KRT4: variants seen among roughly 807,000 people sequenced by gnomAD.
The protein encoded by KRT4 is keratin 4.
Under a neutral mutation model 50.6 loss-of-function variants are expected in KRT4, and 47 were observed. That is an observed-to-expected ratio of 0.93 (90% CI 0.73 to 1.18). The LOEUF is 1.18. Ranked by LOEUF, KRT4 falls within the 50% of genes most tolerant of loss-of-function variation. The pLI is 0.00. For synonymous variants in KRT4, 254 were observed against 251.2 expected (o/e 1.01, Z -0.10); for missense variants, 651 against 645.7 (o/e 1.01, Z -0.09).
Position 52,807,896 on chromosome 12 carries a change from C to T in KRT4, c.1126-32G>A, listed in dbSNP as rs3816880. On this transcript the variant is annotated intron_variant, in intron 6 of 8. Coordinates refer to ENST00000551956, the MANE Select transcript of KRT4 (RefSeq NM_002272.4). ...ACAAAGGCATTAGATAGGTGGTCAG[C>T]AGTGCCCTGCCTTCAAGGCCTCTAC... 204,903 of 1,595,322 alleles carry T rather than the reference C, an allele frequency of 0.13. 13,895 individuals are homozygous for T. Among genetic ancestry groups the T allele is most frequent in the South Asian group, 0.16 (14,939 of 90,624 alleles).
At position 52,808,826 on chromosome 12, in the gene KRT4, C is replaced by T. The variant is rs769698433; in HGVS notation, c.859G>A (p.Val287Ile). Residue 287 changes from valine to isoleucine, a missense_variant, in exon 5 of 9, where the codon GTC becomes ATC. Val to Ile is a conservative substitution (Grantham distance 29). Transcript: ENST00000551956. The part of the protein sequence containing the change: ...DAELSQMQTH[V>I]SDTSVVLSMD... ...GAAAGGACCACGGACGTGTCGCTGA[C>T]ATGGGTCTGCATCTGGGACAGCTCC... 5 of 1,614,206 alleles carry T rather than the reference C, an allele frequency of 3.1e-6. No homozygotes were observed. The South Asian group carries it at 5.5e-5, about 18-fold the overall frequency.
intron 6 of KRT4, among the ~76,000 whole-genome samples, chr12:52,808,074 A>G (rs1400894985): frequency 2.0e-5 from 3 of 151,974 alleles, no homozygotes; most frequent in Non-Finnish European, 4.4e-5. Flanking sequence ...ATGAGCAAAA[A>G]CCCATGAAGA....
At position 52,811,825 on chromosome 12, in the gene KRT4, G is replaced by A; in HGVS notation, c.615C>T (p.Asp205=). 4 of 1,614,052 alleles carry A rather than the reference G, an allele frequency of 2.5e-6. No individual in the cohort carries two copies. The highest frequency in any genetic ancestry group is 3.4e-6 in the Non-Finnish European group (4 of 1,180,028). ...TCAGCTCAGACTGCAGGCGCCCTTT[G>A]TCATTGCCCAAGGTATCTAGCTGCT... The part of the protein sequence containing the change: ...LRKQLDTLGN[D]KGRLQSELKT... Residue 205 remains aspartate (D), a synonymous_variant, in exon 2 of 9, where the codon GAC becomes GAT. Transcript: ENST00000551956.
rs535413824 is a variant in KRT4 at position 52,806,911 on chromosome 12, A to G, written c.*158T>C. ...AGAGGCAGAGTCCCTGTCCCAGCAC[A>G]GAAGATCATCCTGGGGCAGAGAGAG... On this transcript the variant is annotated 3_prime_UTR_variant, in exon 9 of 9. Coordinates refer to ENST00000551956, the MANE Select transcript of KRT4 (RefSeq NM_002272.4). The G allele has an allele frequency of 3.7e-6, 3 of 805,396 alleles. No individual in the cohort carries two copies. The South Asian group carries it at 4.4e-5, about 12-fold the overall frequency. 49.9% of individuals were successfully genotyped at this position (805,396 alleles called of 1,614,324 possible). A position where few individuals can be genotyped will look rare whatever the true frequency, so the allele number is the denominator to read the frequency against.
chr12:52,807,305 G>T, intron 8 of KRT4, 54 bp downstream of exon 8: 3 of 1,613,980 alleles, frequency 1.9e-6, no homozygotes. Flanking sequence ...CACCCCAGGG[G>T]TCTGGCAAGA....
Position 52,807,054 on chromosome 12 carries a change from G to A in KRT4, c.*15C>T. 1.2e-6 allele frequency: 2 copies of A among 1,613,818 alleles called. No individual in the cohort carries two copies. Among genetic ancestry groups the A allele is most frequent in the Non-Finnish European group, 1.7e-6 (2 of 1,179,750 alleles). ...GCCCAGCTGGACACAGTGAGCTGCA[G>A]GGACCTCGTCTCCTCTATCGTCTCT... is the stretch of plus-strand genomic sequence containing the variant. On this transcript the variant is annotated 3_prime_UTR_variant, in exon 9 of 9. Transcript: ENST00000551956.
chr12:52,807,532 G>T, intron 7 of KRT4, 112 bp downstream of exon 7: 4 of 1,490,966 alleles, frequency 2.7e-6, no homozygotes, highest in Middle Eastern at 2.0e-4. Flanking sequence ...AGCTGTCCTG[G>T]TTCGTAATGC....
At chr12:52,808,919 G>A in intron 4 of KRT4, 69 bp from the exon 5 acceptor site, 1 of 1,533,388 alleles carries the variant, frequency 6.5e-7, no homozygotes, top group Non-Finnish European at 9.0e-7. Flanking sequence ...GGCTCAAGTA[G>A]GAGCAGAGCT....
Position 52,807,804 on chromosome 12 carries a change from C to A in KRT4, c.1186G>T (p.Asp396Tyr), listed in dbSNP as rs757313375. 3.1e-6 allele frequency: 5 copies of A among 1,614,196 alleles called. No homozygotes were observed. Among genetic ancestry groups the A allele is most frequent in the Non-Finnish European group, 4.2e-6 (5 of 1,180,048 alleles). ...AGCTCTACGCGCTTGCTGTGGGCAT[C>A]TTTAAGGGCATTCTCACCTCGCTGC... ...AEQRGENALK[D>Y]AHSKRVELEA... The change falls in exon 7 of 9, where the codon GAT (aspartate) becomes TAT (tyrosine). Residue 396 changes from aspartate to tyrosine, a missense_variant. Coordinates refer to ENST00000551956, the MANE Select transcript of KRT4 (RefSeq NM_002272.4).
At chr12:52,813,196 T>C (rs886841758) in intron 1 of KRT4, among the ~76,000 whole-genome samples, 2 of 152,224 alleles carry the variant, frequency 1.3e-5, no homozygotes, top group African/African-American at 2.4e-5. Context: ...AAAATCAGCT[T>C]AGTTGTCTTC....
chr12:52,809,425 A>C lies in KRT4; in HGVS notation c.792T>G (p.Ser264Arg). 2 of 1,614,116 alleles carry C rather than the reference A, an allele frequency of 1.2e-6. No individual in the cohort carries two copies. The highest frequency in any genetic ancestry group is 1.7e-6 in the Non-Finnish European group (2 of 1,179,980). ...TCAGGAAGTTGATCTCGTCATTAAG[A>C]CTGTCCACCTTGGCCTCCAACTCCA... ...NKVELEAKVD[S>R]LNDEINFLKV... The change falls in exon 4 of 9, where the codon AGT (serine) becomes AGG (arginine). Residue 264 changes from serine to arginine, a missense_variant. By Grantham distance (110) the Ser-to-Arg change is moderately radical (BLOSUM62 -1). Transcript: ENST00000551956.
intron 4 of KRT4, 26 bp from the exon 5 acceptor site, chr12:52,808,876 C>T (rs766286449): frequency 6.2e-7 from 1 of 1,612,214 alleles, no homozygotes; most frequent in South Asian, 1.1e-5. Flanking sequence ...CTCACATCAG[C>T]CCCCCCAGGA....
chr12:52,810,762 T>G lies in KRT4; in HGVS notation c.732A>C (p.Leu244=). The G allele has an allele frequency of 6.2e-7, 1 of 1,614,068 alleles. No individual in the cohort carries two copies. ...ACCATCCTTCGTCTCTTACCTTCTT[T>G]AGGACCACAAAGTCATTCTCGGCTG... ...RTAAENDFVV[L]KKDVDAAYLN... is the part of the protein sequence containing the mutation. The change falls in exon 3 of 9, where the codon CTA becomes CTC. Residue 244 remains leucine (L), a synonymous_variant. Coordinates refer to ENST00000551956, the MANE Select transcript of KRT4 (RefSeq NM_002272.4).
intron 1 of KRT4, 120 bp from the exon 2 acceptor site, chr12:52,812,097 A>G (rs1035903880): frequency 3.9e-6 from 3 of 762,820 alleles, no homozygotes; most frequent in African/African-American, 1.7e-5. Flanking sequence ...CCACCCAAGT[A>G]GGGCCACTAT....
At chr12:52,812,202 A>G (rs1467951091) in intron 1 of KRT4, among the ~76,000 whole-genome samples, 1 of 152,218 alleles carries the variant, frequency 6.6e-6, no homozygotes, top group African/African-American at 2.4e-5. Context: ...TGGAGAATAG[A>G]GCACAGCCAG....
At position 52,806,851 on chromosome 12, in the gene KRT4, C is replaced by A. The variant is rs936905198; in HGVS notation, c.*218G>T. On this transcript the variant is annotated 3_prime_UTR_variant, in exon 9 of 9. Coordinates refer to ENST00000551956, the MANE Select transcript of KRT4 (RefSeq NM_002272.4). ...CATCCTTCCCATTCCAGGTGGGTCACCAGGCCCAAATCAAGAAGTAGCTAC... is the reference window on the plus strand; with the variant it reads ...CATCCTTCCCATTCCAGGTGGGTCAACAGGCCCAAATCAAGAAGTAGCTAC... 1.6e-6 allele frequency: 1 copy of A among 619,246 alleles called. No individual in the cohort carries two copies. Among genetic ancestry groups the A allele is most frequent in the Non-Finnish European group, 2.9e-6 (1 of 345,554 alleles). 38.4% of individuals were successfully genotyped at this position (619,246 alleles called of 1,614,324 possible). A position where few individuals can be genotyped will look rare whatever the true frequency, so the allele number is the denominator to read the frequency against.
rs1262912224 is a variant in KRT4, at chr12:52,807,364, C to T, written c.1376G>A (p.Ser459Asn). The T allele has an allele frequency of 3.7e-6, 6 of 1,614,080 alleles. No homozygotes were observed. The highest frequency in any genetic ancestry group is 4.5e-5 in the East Asian group (2 of 44,902). Reference sequence around the variant, plus strand: ...CAGGCGTGGAAGGTACTTACAGATGCTCACGGCACTCTGGCATTCTCCAGA... The same window carrying T: ...CAGGCGTGGAAGGTACTTACAGATGTTCACGGCACTCTGGCATTCTCCAGA... ...RMSGECQSAV[S>N]ISVVSGSTST... Residue 459 changes from serine to asparagine, a missense_variant, in exon 8 of 9, where the codon AGC becomes AAC. Transcript: ENST00000551956.
In KRT4 at chr12:52,810,816, C is replaced by G. The variant is rs1939896958; in HGVS notation, c.678G>C (p.Lys226Asn). 1 of 1,613,714 alleles carries G rather than the reference C, an allele frequency of 6.2e-7. No individual in the cohort carries two copies. Among genetic ancestry groups the G allele is most frequent in the South Asian group, 1.1e-5 (1 of 91,074 alleles). Residue 226 changes from lysine to asparagine, a missense_variant and splice_region_variant, in exon 3 of 9, where the codon AAG becomes AAC. Transcript: ENST00000551956. Reference protein sequence around the residue: ...MQDSVEDFKTKYEEEINKRTA... With the variant: ...MQDSVEDFKTNYEEEINKRTA... Reference sequence around the variant, plus strand: ...TGCGTTTGTTGATCTCCTCTTCATACCTGGGGGTGGGCACGGGGAGAAAAA... The same window carrying G: ...TGCGTTTGTTGATCTCCTCTTCATAGCTGGGGGTGGGCACGGGGAGAAAAA...
intron 1 of KRT4, among the ~76,000 whole-genome samples, chr12:52,812,322 A>G (rs1327387679): frequency 6.6e-6 from 1 of 152,224 alleles, no homozygotes; most frequent in African/African-American, 2.4e-5. Flanking sequence ...AAGAGACATC[A>G]CAATCTGGAG....
Sources: allele counts gnomAD v4.1 joint callset (sites outside exome capture counted in the v4.1 genomes callset), GRCh38; gene constraint gnomAD v4.1.1; transcripts MANE v1.5; gene names NCBI Gene and HGNC (gene_info 2026-07-23, HGNC 2026-07-21).